Variants in TMEM71 observed in about 807,000 individuals in gnomAD.
TMEM71 encodes the protein transmembrane protein 71.
TMEM71 carries 44 observed loss-of-function variants against 38.0 expected under a neutral mutation model. The observed-to-expected ratio is 1.16, with a 90% CI of 0.91 to 1.49. The LOEUF (loss-of-function observed/expected upper bound fraction) is 1.49, where lower values mean the gene tolerates loss of function less well. TMEM71 is among the 40% of genes most tolerant of loss of function. The probability of loss-of-function intolerance (pLI) is 0.00; values close to 1 mark genes in which losing one functional copy is unlikely to be tolerated. For synonymous variants in TMEM71, 133 were observed against 122.5 expected, an observed-to-expected ratio of 1.09 and a Z score of -0.56; for missense variants, 367 against 348.6, an observed-to-expected ratio of 1.05 and a Z score of -0.42.
At chr8:132,714,106 G>A (rs1368851273) in intron 8 of TMEM71, 48 bp downstream of exon 8, 1 of 1,608,308 alleles carries the variant, frequency 6.2e-7, no homozygotes, top group African/African-American at 1.3e-5. Flanking sequence ...ACCAAAATTG[G>A]AATGAAATAC....
chr8:132,764,046 A>G (rs562353704), upstream of TMEM71, among the ~76,000 whole-genome samples: 7 of 152,268 alleles, frequency 4.6e-5, no homozygotes, highest in South Asian at 1.5e-3. Flanking sequence ...TTAGATGGCA[A>G]TATCTTCCAC....
the TMEM71 span, chr8:132,775,785 G>T: frequency 4.3e-6 from 1 of 233,328 alleles, no homozygotes; most frequent in South Asian, 1.8e-4. Flanking sequence ...TATTGTCTGG[G>T]CGCCGCAGCT....
At chr8:132,765,039 A>T (rs917000772), upstream of TMEM71, among the ~76,000 whole-genome samples, 1 of 152,208 alleles carries the variant, frequency 6.6e-6, no homozygotes, top group African/African-American at 2.4e-5. Flanking sequence ...GAAGCTAGCA[A>T]TTTTATCATA....
intron 7 of TMEM71, among the ~76,000 whole-genome samples, chr8:132,719,068 C>T (rs940040357): frequency 6.6e-6 from 1 of 152,136 alleles, no homozygotes; most frequent in Admixed American, 6.6e-5. Context: ...TACAGCAAAG[C>T]CTATAAAGTG....
At chr8:132,733,106 G>T (rs1473650244) in intron 5 of TMEM71, among the ~76,000 whole-genome samples, 1 of 152,260 alleles carries the variant, frequency 6.6e-6, no homozygotes, top group South Asian at 2.1e-4. Flanking sequence ...CATAATTTAT[G>T]ATTTTATCAT....
intron 3 of TMEM71, 36 bp downstream of exon 3, chr8:132,757,197 GA>G: frequency 1.3e-6 from 2 of 1,534,194 alleles, no homozygotes; most frequent in Non-Finnish European, 1.8e-6. Context: ...CGCCCGGCCA[GA>G]ATGATTATTT....
chr8:132,775,599 C>G, the TMEM71 span: 1 of 347,684 alleles, frequency 2.9e-6, no homozygotes, highest in South Asian at 1.4e-4. Context: ...CGTGCCCCAG[C>G]TCGGCCCCGG....
At chr8:132,735,042 C>T (rs775311435) in intron 5 of TMEM71, among the ~76,000 whole-genome samples, 2 of 152,202 alleles carry the variant, frequency 1.3e-5, no homozygotes, top group Non-Finnish European at 2.9e-5. Context: ...GCTCAGGTGA[C>T]TTGCCTGGAG....
the TMEM71 span, among the ~76,000 whole-genome samples, chr8:132,768,569 AT>A: frequency 6.6e-6 from 1 of 152,220 alleles, no homozygotes; most frequent in Admixed American, 6.5e-5. Flanking sequence ...CAACATAGTT[AT>A]AAAAAAAAAA....
Position 132,722,093 on chromosome 8 carries a change from G to C in TMEM71, c.699C>G (p.Val233=), listed in dbSNP as rs1440554188. Residue 233 remains valine, a synonymous_variant, in exon 7 of 10, where the codon GTC becomes GTG. Transcript: ENST00000677595. ...DHSETRLLQE[V]FFQAILLAVC... The stretch of plus-strand genomic sequence containing the variant: ...CAGCAAGCAGGATTGCCTGAAAGAA[G>C]ACCTCTTGCAACAACCTGGTTTCTA... 1 of 1,613,336 alleles carries C rather than the reference G, an allele frequency of 6.2e-7. No homozygotes were observed. Among genetic ancestry groups the C allele is most frequent in the African/African-American group, 1.3e-5 (1 of 74,718 alleles).
chr8:132,756,733 C>CT (rs1829038761), intron 3 of TMEM71, among the ~76,000 whole-genome samples: 7 of 151,744 alleles, frequency 4.6e-5, no homozygotes, highest in Non-Finnish European at 8.8e-5. Flanking sequence ...ATTACAGGCA[C>CT]ATACCATCAT....
chr8:132,761,286 C>G (rs1193198889), upstream of TMEM71, among the ~76,000 whole-genome samples: 1 of 152,172 alleles, frequency 6.6e-6, no homozygotes, highest in African/African-American at 2.4e-5. Flanking sequence ...ACCATCCTAG[C>G]TGTGTGACCT....
At chr8:132,775,850 C>T in the TMEM71 span, among the ~76,000 whole-genome samples, 2 of 152,160 alleles carry the variant, frequency 1.3e-5, no homozygotes, top group East Asian at 1.9e-4. Flanking sequence ...GCTGTCAAAC[C>T]TGGAGGCTTC....
chr8:132,769,766 T>A, the TMEM71 span, among the ~76,000 whole-genome samples: 1 of 152,230 alleles, frequency 6.6e-6, no homozygotes, highest in African/African-American at 2.4e-5. Flanking sequence ...TCTAGAACTG[T>A]TAGGAATAAA....
chr8:132,738,127 T>C (rs1034012483), intron 5 of TMEM71, among the ~76,000 whole-genome samples: 1 of 147,472 alleles, frequency 6.8e-6, no homozygotes, highest in South Asian at 2.3e-4. Context: ...AATTATTGCA[T>C]TTCATCCTCC....
chr8:132,728,983 C>T (rs920602880), intron 5 of TMEM71, among the ~76,000 whole-genome samples: 4 of 152,218 alleles, frequency 2.6e-5, no homozygotes, highest in African/African-American at 9.6e-5. Context: ...TTCATACACA[C>T]ATAGCTTCAA....
At chr8:132,745,844 TA>T (rs1428540187) in intron 5 of TMEM71, among the ~76,000 whole-genome samples, 1 of 151,666 alleles carries the variant, frequency 6.6e-6, no homozygotes, top group Admixed American at 6.6e-5. Flanking sequence ...CCATTAAAAA[TA>T]ATGAAATCAT....
chr8:132,708,504 A>T (rs1051087817), downstream of TMEM71, among the ~76,000 whole-genome samples: 6 of 152,216 alleles, frequency 3.9e-5, no homozygotes, highest in African/African-American at 1.4e-4. Context: ...CTTAGAACAC[A>T]CATTAATCTC....
At chr8:132,739,411 A>G (rs1166779728) in intron 5 of TMEM71, among the ~76,000 whole-genome samples, 1 of 152,178 alleles carries the variant, frequency 6.6e-6, no homozygotes, top group Non-Finnish European at 1.5e-5. Flanking sequence ...TCCCAGGTTC[A>G]CGCCATTCTC....
Sources: allele counts gnomAD v4.1 joint callset (sites outside exome capture counted in the v4.1 genomes callset), GRCh38; gene constraint gnomAD v4.1.1; transcripts MANE v1.5; gene names NCBI Gene and HGNC (gene_info 2026-07-23, HGNC 2026-07-21).